ONECUT1: variants seen among roughly 807,000 people sequenced by gnomAD.
ONECUT1 encodes hepatocyte nuclear factor 6.
In ONECUT1, 12 loss-of-function variants were observed where a neutral mutation model predicts 25.6. That is an observed-to-expected ratio of 0.47 (90% confidence interval 0.30 to 0.76). The LOEUF (loss-of-function observed/expected upper bound fraction) is 0.76. Among genes scored for constraint, ONECUT1 ranks in the 30% least tolerant of loss-of-function variants. The pLI is 0.07. For synonymous variants in ONECUT1, 285 were observed against 270.2 expected, an observed-to-expected ratio of 1.05 and a Z score of -0.54; for missense variants, 620 against 651.2, an observed-to-expected ratio of 0.95 and a Z score of 0.52.
chr15:52,775,991 T>C (rs2141456672), intron 1 of ONECUT1, among the ~76,000 whole-genome samples: 1 of 152,330 alleles, frequency 6.6e-6, no homozygotes, highest in South Asian at 2.1e-4. Context: ...GGCTAACCCC[T>C]TCCACTGGTT....
In ONECUT1 at chr15:52,789,130, G is replaced by A. The variant is rs773232738; in HGVS notation, c.755C>T (p.Pro252Leu). ...GCCCTGGGCGTTCAGGTGGGCGTGGGGATGGTGCGGAGGAAGGCCGTTGAT... is the reference window on the plus strand; with the variant it reads ...GCCCTGGGCGTTCAGGTGGGCGTGGAGATGGTGCGGAGGAAGGCCGTTGAT... ...VPINGLPPHHPHAHLNAQGHG... is the reference protein window; with the variant it reads ...VPINGLPPHHLHAHLNAQGHG... Residue 252 changes from proline to leucine, a missense_variant, in exon 1 of 2, where the codon CCC (proline) becomes CTC (leucine). Around this residue, in one of 4 missense-constraint regions of ONECUT1, gnomAD observed 440 missense variants for 404.9 expected, o/e 1.09. Transcript: ENST00000305901. This position sits in a 1 kb window ranked among gnomAD's most constrained non-coding sequence, Gnocchi z 4.1. 6.2e-7 allele frequency: 1 copy of A among 1,600,654 alleles called. No homozygotes were observed. Among genetic ancestry groups the A allele is most frequent in the South Asian group, 1.1e-5 (1 of 91,028 alleles).
In ONECUT1 at chr15:52,788,549, C is replaced by G. The variant is rs34850380; in HGVS notation, c.1105+231G>C. On this transcript the variant is annotated intron_variant, in intron 1 of 1. Coordinates refer to ENST00000305901, the MANE Select transcript of ONECUT1 (RefSeq NM_004498.4). The surrounding 1 kb of genome is among the most constrained non-coding windows in gnomAD (Gnocchi z 4.3). The stretch of plus-strand genomic sequence containing the variant: ...AATGAGCCTCTTCAGTCGCCGAGGC[C>G]CGGCCGCTTAGCTCTCGGAGCCTTC... The G allele has an allele frequency of 0.014, 6,981 of 504,510 alleles. 309 individuals are homozygous for G. The highest frequency in any genetic ancestry group is 0.11 in the East Asian group (3,885 of 33,950). The allele number at this position is 504,510 out of a possible 1,614,324, so 31.3% of individuals were successfully genotyped here.
intron 1 of ONECUT1, among the ~76,000 whole-genome samples, chr15:52,773,403 G>A (rs756332380): frequency 2.6e-4 from 40 of 152,150 alleles, no homozygotes; most frequent in Non-Finnish European, 4.9e-4. Flanking sequence ...TTAGAAATAC[G>A]TACATGAGCA....
intron 1 of ONECUT1, among the ~76,000 whole-genome samples, chr15:52,779,211 G>A (rs1395397954): frequency 6.6e-6 from 1 of 151,918 alleles, no homozygotes; most frequent in Non-Finnish European, 1.5e-5. Flanking sequence ...AGCCTCCCGA[G>A]TAGCTGGGAC....
intron 1 of ONECUT1, among the ~76,000 whole-genome samples, chr15:52,768,985 C>T (rs937717953): frequency 2.0e-5 from 3 of 152,188 alleles, no homozygotes; most frequent in Admixed American, 1.3e-4. Context: ...CCACTCAATA[C>T]CAATCATTCC....
At position 52,772,360 on chromosome 15, in the gene ONECUT1, C is replaced by T. The variant is rs560858942; in HGVS notation, c.1106-14513G>A. Among the ~76,000 whole-genome samples, 6 of 148,036 alleles carry T rather than the reference C, an allele frequency of 4.1e-5. No homozygotes were observed. In the East Asian group the frequency reaches 1.2e-3, roughly 30 times the overall value. On this transcript the variant is annotated intron_variant, in intron 1 of 1. Coordinates refer to ENST00000305901, the MANE Select transcript of ONECUT1 (RefSeq NM_004498.4). Reference sequence around the variant, plus strand: ...AGTGAGCCAAGATCGTGCCACTGCACTCCAGCCTGGGCGACAGAGCGAGAC... The same window carrying T: ...AGTGAGCCAAGATCGTGCCACTGCATTCCAGCCTGGGCGACAGAGCGAGAC...
Position 52,788,978 on chromosome 15 carries a change from T to C in ONECUT1, c.907A>G (p.Thr303Ala), listed in dbSNP as rs2083895755. Residue 303 changes from threonine (T) to alanine (A), a missense_variant, in exon 1 of 2, where the codon ACC becomes GCC. Coordinates refer to ENST00000305901, the MANE Select transcript of ONECUT1 (RefSeq NM_004498.4). The surrounding 1 kb of genome is among the most constrained non-coding windows in gnomAD (Gnocchi z 4.3). ...GGGATGCTGTAGCGCTTGAGCTCGG[T>C]GGTGATACGCTGCGCCACCTCTTTG... ...NTKEVAQRIT[T>A]ELKRYSIPQA... 5 of 1,612,478 alleles carry C rather than the reference T, an allele frequency of 3.1e-6. No homozygotes were observed. The highest frequency in any genetic ancestry group is 2.7e-5 in the African/African-American group (2 of 74,900).
In ONECUT1 at chr15:52,773,923, A is replaced by G. The variant is rs529767817; in HGVS notation, c.1105+14857T>C. On this transcript the variant is annotated intron_variant, in intron 1 of 1. Coordinates refer to ENST00000305901, the MANE Select transcript of ONECUT1 (RefSeq NM_004498.4). ...GCAAATATCCTCTCTCTCTATCTAT[A>G]TGTTGAATAAATGAATGCTATTCAT... Among the ~76,000 whole-genome samples, 298 of 152,330 alleles carry G rather than the reference A, an allele frequency of 2.0e-3. 1 individual carries two copies. Among genetic ancestry groups the G allele is most frequent in the Non-Finnish European group, 3.8e-3 (256 of 68,028 alleles).
At position 52,757,562 on chromosome 15, in the gene ONECUT1, T is replaced by C; in HGVS notation, c.1391A>G (p.Lys464Arg). ...NSSSSSSTCT[K>R]A ...TAGTTTGTGGTTCTTCCTTCATGCT[T>C]TGGTACAAGTGCTTGATGAAGAAGA... Residue 464 changes from lysine to arginine, a missense_variant, in exon 2 of 2, where the codon AAA becomes AGA. Physicochemically the swap from Lys to Arg is conservative, Grantham distance 26 (BLOSUM62 2). Coordinates refer to ENST00000305901, the MANE Select transcript of ONECUT1 (RefSeq NM_004498.4). The C allele has an allele frequency of 6.2e-7, 1 of 1,608,720 alleles. No homozygotes were observed. Among genetic ancestry groups the C allele is most frequent in the Non-Finnish European group, 8.5e-7 (1 of 1,176,840 alleles).
intron 1 of ONECUT1, among the ~76,000 whole-genome samples, chr15:52,779,995 G>C (rs73411655): frequency 3.3e-5 from 5 of 152,122 alleles, no homozygotes; most frequent in Non-Finnish European, 7.4e-5. Flanking sequence ...TGAACAAAGG[G>C]GGCTTTTGAA....
At chr15:52,774,958 G>A (rs1204455480) in intron 1 of ONECUT1, among the ~76,000 whole-genome samples, 1 of 152,200 alleles carries the variant, frequency 6.6e-6, no homozygotes, top group Non-Finnish European at 1.5e-5. Flanking sequence ...AAGAGGTTGA[G>A]GTGGGCAGAT....
At chr15:52,778,376 C>T (rs1368861430) in intron 1 of ONECUT1, among the ~76,000 whole-genome samples, 2 of 152,162 alleles carry the variant, frequency 1.3e-5, no homozygotes, top group East Asian at 1.9e-4. Context: ...CTCTTAGGAA[C>T]AATGCTGCCA....
chr15:52,776,788 A>C (rs1174166777), intron 1 of ONECUT1, among the ~76,000 whole-genome samples: 10 of 152,230 alleles, frequency 6.6e-5, no homozygotes, highest in Admixed American at 6.5e-4. Flanking sequence ...CCCTGTACTC[A>C]GCCTAGTGCC....
intron 1 of ONECUT1, among the ~76,000 whole-genome samples, chr15:52,770,113 T>C (rs2083758110): frequency 6.6e-6 from 1 of 152,234 alleles, no homozygotes; most frequent in Admixed American, 6.5e-5. Flanking sequence ...CCTGGATCCA[T>C]GGGTTAGGGT....
intron 1 of ONECUT1, chr15:52,780,759 C>T (rs2083835917): frequency 1.4e-6 from 2 of 1,438,502 alleles, no homozygotes; most frequent in Non-Finnish European, 1.8e-6. Flanking sequence ...TAGAAGACAA[C>T]AGGAAAGAAA....
chr15:52,784,389 C>T lies in ONECUT1; in HGVS notation c.1105+4391G>A, dbSNP rs529462227. On this transcript the variant is annotated intron_variant, in intron 1 of 1. Coordinates refer to ENST00000305901, the MANE Select transcript of ONECUT1 (RefSeq NM_004498.4). This position sits in a 1 kb window ranked among gnomAD's most constrained non-coding sequence, Gnocchi z 5.0. ...CTTCCAGGGCGATAGGTGCTGCACC[C>T]ATTGACGGGATAGCCGCATACCTCC... Among the ~76,000 whole-genome samples the T allele has an allele frequency of 6.6e-6, 1 of 152,330 alleles. No homozygotes were observed. The highest frequency in any genetic ancestry group is 1.5e-5 in the Non-Finnish European group (1 of 68,030).
chr15:52,785,166 T>C (rs775270011), intron 1 of ONECUT1, among the ~76,000 whole-genome samples: 1 of 152,178 alleles, frequency 6.6e-6, no homozygotes, highest in African/African-American at 2.4e-5. Flanking sequence ...CCTGCCTGAC[T>C]CCCATGGCCC....
intron 1 of ONECUT1, among the ~76,000 whole-genome samples, chr15:52,763,241 C>A (rs1434849515): frequency 6.6e-6 from 1 of 152,056 alleles, no homozygotes; most frequent in Non-Finnish European, 1.5e-5. Context: ...GATTCACTGG[C>A]AAAGTATATC....
chr15:52,777,767 T>C (rs2083813760), intron 1 of ONECUT1, among the ~76,000 whole-genome samples: 1 of 148,134 alleles, frequency 6.8e-6, no homozygotes, highest in Admixed American at 6.7e-5. Flanking sequence ...TTTGTTCTCT[T>C]CCCTGCTAGA....
Sources: allele counts gnomAD v4.1 joint callset (sites outside exome capture counted in the v4.1 genomes callset), GRCh38; gene constraint gnomAD v4.1.1; regional missense constraint gnomAD v4.1.1; non-coding constraint Gnocchi (gnomAD v3.1); transcripts MANE v1.5; gene names NCBI Gene and HGNC (gene_info 2026-07-23, HGNC 2026-07-21).